CHST11: variants seen among roughly 807,000 people sequenced by gnomAD.
The protein encoded by CHST11 is carbohydrate sulfotransferase 11.
CHST11 carries 9 observed loss-of-function variants against 30.4 expected under a neutral mutation model. The observed-to-expected ratio is 0.30, with a 90% CI of 0.18 to 0.52. CHST11 has a LOEUF of 0.52. Among genes scored for constraint, CHST11 ranks in the 20% least tolerant of loss-of-function variants. The probability of loss-of-function intolerance (pLI) is 0.97; values close to 1 mark genes in which losing one functional copy is unlikely to be tolerated. For missense variants in CHST11, 348 were observed against 460.6 expected (o/e 0.76, Z 2.24); for synonymous variants, 152 against 187.8 (o/e 0.81, Z 1.56).
At chr12:104,588,318 AT>A (rs1300565641) in intron 1 of CHST11, among the ~76,000 whole-genome samples, 1 of 152,108 alleles carries the variant, frequency 6.6e-6, no homozygotes, top group Non-Finnish European at 1.5e-5. Flanking sequence ...AGTTCTGGAC[AT>A]TTTTTGCACT....
intron 2 of CHST11, among the ~76,000 whole-genome samples, chr12:104,700,306 T>G (rs1474695838): frequency 1.3e-5 from 2 of 152,038 alleles, no homozygotes; most frequent in African/African-American, 4.8e-5. Flanking sequence ...CTACCAAAAA[T>G]AAAAAAGAAA....
At chr12:104,475,788 C>T (rs960813848) in intron 1 of CHST11, among the ~76,000 whole-genome samples, 1 of 140,574 alleles carries the variant, frequency 7.1e-6, no homozygotes, top group African/African-American at 2.6e-5. Context: ...CATATATATG[C>T]ATATATATAT....
intron 2 of CHST11, among the ~76,000 whole-genome samples, chr12:104,710,641 T>C (rs2136120145): frequency 6.6e-6 from 1 of 152,336 alleles, no homozygotes; most frequent in East Asian, 1.9e-4. Context: ...AGCTTTTCCT[T>C]TGATGTTAGT....
intron 2 of CHST11, among the ~76,000 whole-genome samples, chr12:104,660,365 G>A (rs575574219): frequency 1.3e-5 from 2 of 152,356 alleles, no homozygotes; most frequent in Admixed American, 6.5e-5. Flanking sequence ...TTGCCCACGG[G>A]CTTGGCGCAG....
intron 1 of CHST11, among the ~76,000 whole-genome samples, chr12:104,586,841 T>C (rs1051482490): frequency 1.3e-5 from 2 of 152,260 alleles, no homozygotes; most frequent in African/African-American, 4.8e-5. Flanking sequence ...TGTGTTGCAG[T>C]GCTGTCTCTC....
At chr12:104,684,397 A>C (rs2039826443) in intron 2 of CHST11, among the ~76,000 whole-genome samples, 1 of 152,190 alleles carries the variant, frequency 6.6e-6, no homozygotes, top group Admixed American at 6.5e-5. Flanking sequence ...ATTGGCCTTG[A>C]ATGGCAGAGC....
rs1592816780 is a variant in CHST11 at position 104,649,946 on chromosome 12, A to G, written c.204+47955A>G. On this transcript the variant is annotated intron_variant, in intron 2 of 2. Transcript: ENST00000303694. The stretch of plus-strand genomic sequence containing the variant: ...CAGTGCCCCTGGTGGCTCTGAAAAC[A>G]GTGCCCTGGCAGCTCTGGGCACCCA... 2.6e-5 allele frequency among the ~76,000 whole-genome samples: 4 copies of G among 152,204 alleles called. No individual in the cohort carries two copies. In the South Asian group the frequency reaches 8.3e-4, roughly 31 times the overall value.
At chr12:104,645,168 C>T (rs1432820306) in intron 2 of CHST11, among the ~76,000 whole-genome samples, 2 of 151,850 alleles carry the variant, frequency 1.3e-5, no homozygotes, top group East Asian at 1.9e-4. Flanking sequence ...AGGATGGTCT[C>T]GATCTCCTGA....
At chr12:104,524,114 C>T (rs2038100992) in intron 1 of CHST11, among the ~76,000 whole-genome samples, 1 of 146,476 alleles carries the variant, frequency 6.8e-6, no homozygotes, top group South Asian at 2.2e-4. Context: ...GGATTAGTTA[C>T]TGACCCAAAG....
chr12:104,678,682 T>C (rs2039765045), intron 2 of CHST11, among the ~76,000 whole-genome samples: 1 of 152,208 alleles, frequency 6.6e-6, no homozygotes, highest in Non-Finnish European at 1.5e-5. Flanking sequence ...TTCTTCATGC[T>C]TGTTAAGGCT....
intron 2 of CHST11, among the ~76,000 whole-genome samples, chr12:104,726,484 G>T (rs565639649): frequency 6.6e-6 from 1 of 152,168 alleles, no homozygotes; most frequent in African/African-American, 2.4e-5. Flanking sequence ...ACCTGGTACC[G>T]CAAACTAAAA....
intron 2 of CHST11, among the ~76,000 whole-genome samples, chr12:104,618,637 T>C (rs1234178634): frequency 1.3e-5 from 2 of 152,214 alleles, no homozygotes; most frequent in African/African-American, 4.8e-5. Flanking sequence ...TCCTAGTAAG[T>C]GTGTTTTAAG....
chr12:104,474,457 G>C (rs1368577016), intron 1 of CHST11, among the ~76,000 whole-genome samples: 2 of 152,170 alleles, frequency 1.3e-5, no homozygotes, highest in African/African-American at 4.8e-5. Flanking sequence ...GCAGCTCAGG[G>C]CTCTTTCTTG....
At chr12:104,711,763 C>T (rs369518953) in intron 2 of CHST11, among the ~76,000 whole-genome samples, 1 of 152,092 alleles carries the variant, frequency 6.6e-6, no homozygotes. Context: ...AATAGCTAAA[C>T]AGGACTTAGA....
intron 2 of CHST11, among the ~76,000 whole-genome samples, chr12:104,617,514 C>A (rs1014945001): frequency 6.6e-6 from 1 of 152,062 alleles, no homozygotes. Flanking sequence ...AATTTAGACC[C>A]CTACGTCCTG....
chr12:104,560,050 G>C (rs2038498354), intron 1 of CHST11, among the ~76,000 whole-genome samples: 2 of 152,168 alleles, frequency 1.3e-5, no homozygotes, highest in African/African-American at 4.8e-5. Flanking sequence ...TAAGGGAAGA[G>C]TGTTTGTGGC....
At chr12:104,551,772 G>T (rs1259866928) in intron 1 of CHST11, among the ~76,000 whole-genome samples, 5 of 152,264 alleles carry the variant, frequency 3.3e-5, no homozygotes, top group African/African-American at 1.2e-4. Flanking sequence ...AGGCCGTACG[G>T]AAGTGGTGCG....
At chr12:104,617,619 A>C (rs532875902) in intron 2 of CHST11, among the ~76,000 whole-genome samples, 1 of 152,308 alleles carries the variant, frequency 6.6e-6, no homozygotes, top group Non-Finnish European at 1.5e-5. Context: ...TCATCTGGAA[A>C]GCTGGAATCA....
intron 1 of CHST11, among the ~76,000 whole-genome samples, chr12:104,583,164 T>C (rs182811064): frequency 1.3e-5 from 2 of 152,296 alleles, no homozygotes; most frequent in African/African-American, 4.8e-5. Flanking sequence ...TTTCTTACTT[T>C]CTGGATAAAG....
Sources: allele counts gnomAD v4.1 joint callset (sites outside exome capture counted in the v4.1 genomes callset), GRCh38; gene constraint gnomAD v4.1.1; transcripts MANE v1.5; gene names NCBI Gene and HGNC (gene_info 2026-07-23, HGNC 2026-07-21).